ZNF385D: variants seen among roughly 807,000 people sequenced by gnomAD.
ZNF385D encodes zinc finger protein 659.
ZNF385D carries 15 observed loss-of-function variants against 35.8 expected under a neutral mutation model. That is an observed-to-expected ratio of 0.42 (90% CI 0.28 to 0.64). The LOEUF is 0.64. Ranked by LOEUF, ZNF385D falls within the 30% of genes least tolerant of loss-of-function variation. ZNF385D has a pLI of 0.23. For synonymous variants in ZNF385D, 212 were observed against 186.8 expected (o/e 1.13, Z -1.10); for missense variants, 474 against 494.6 (o/e 0.96, Z 0.39).
intron 2 of ZNF385D, among the ~76,000 whole-genome samples, chr3:22,312,479 G>A (rs1703617437): frequency 6.6e-6 from 1 of 151,874 alleles, no homozygotes; most frequent in African/African-American, 2.4e-5. Context: ...TACAGAATGG[G>A]AGAAAATTTT....
chr3:22,063,466 A>T (rs1699787660), intron 3 of ZNF385D, among the ~76,000 whole-genome samples: 1 of 152,222 alleles, frequency 6.6e-6, no homozygotes, highest in Non-Finnish European at 1.5e-5. Flanking sequence ...TAGAATATTC[A>T]ATAGATTTTT....
At chr3:21,718,255 C>A (rs2068402296) in intron 1 of ZNF385D, among the ~76,000 whole-genome samples, 1 of 152,226 alleles carries the variant, frequency 6.6e-6, no homozygotes, top group Admixed American at 6.5e-5. Flanking sequence ...CCTGATCAAT[C>A]CTTCCATGGT....
intron 2 of ZNF385D, among the ~76,000 whole-genome samples, chr3:22,284,870 A>G (rs1453949702): frequency 1.3e-5 from 2 of 152,170 alleles, no homozygotes; most frequent in Admixed American, 6.6e-5. Flanking sequence ...ATTTTGACAG[A>G]CCCAAATCAT....
chr3:21,511,169 G>T, intron 3 of ZNF385D, 146 bp from the exon 4 acceptor site: 1 of 929,510 alleles, frequency 1.1e-6, no homozygotes, highest in Non-Finnish European at 1.6e-6. Flanking sequence ...GTTCTATTTA[G>T]AATGATGCTA....
At chr3:21,952,589 A>G (rs1476533062) in intron 3 of ZNF385D, among the ~76,000 whole-genome samples, 1 of 151,996 alleles carries the variant, frequency 6.6e-6, no homozygotes, top group Non-Finnish European at 1.5e-5. Flanking sequence ...CCTTTAAAAT[A>G]TAGATAATAA....
chr3:21,587,867 T>C (rs987142602), intron 2 of ZNF385D, among the ~76,000 whole-genome samples: 1 of 151,992 alleles, frequency 6.6e-6, no homozygotes, highest in Non-Finnish European at 1.5e-5. Flanking sequence ...ATGGGATACA[T>C]ATCTAAAGGG....
intron 3 of ZNF385D, among the ~76,000 whole-genome samples, chr3:22,010,383 T>C (rs1365823506): frequency 6.6e-6 from 1 of 152,196 alleles, no homozygotes; most frequent in East Asian, 1.9e-4. Context: ...CATTTCTGCC[T>C]TATCAAGAAA....
intron 3 of ZNF385D, among the ~76,000 whole-genome samples, chr3:22,122,494 T>A (rs528679580): frequency 6.6e-6 from 1 of 152,232 alleles, no homozygotes; most frequent in African/African-American, 2.4e-5. Context: ...ACTAAAAATA[T>A]TGAGCACTAA....
At chr3:21,548,754 A>G (rs2062466523) in intron 3 of ZNF385D, among the ~76,000 whole-genome samples, 1 of 152,234 alleles carries the variant, frequency 6.6e-6, no homozygotes, top group African/African-American at 2.4e-5. Flanking sequence ...GCTGATGTCA[A>G]GGCAAGTCTC....
At chr3:22,164,811 T>G (rs936944164) in intron 3 of ZNF385D, among the ~76,000 whole-genome samples, 1 of 152,092 alleles carries the variant, frequency 6.6e-6, no homozygotes, top group Admixed American at 6.6e-5. Flanking sequence ...TAATTTTTAT[T>G]TAAAAGCAGG....
chr3:21,846,605 A>C (rs1471532157), intron 3 of ZNF385D, among the ~76,000 whole-genome samples: 1 of 152,000 alleles, frequency 6.6e-6, no homozygotes, highest in Non-Finnish European at 1.5e-5. Context: ...TGCTGAAAAG[A>C]AGGAAGCAGC....
intron 3 of ZNF385D, among the ~76,000 whole-genome samples, chr3:21,880,084 G>C (rs1428442874): frequency 6.6e-6 from 1 of 151,846 alleles, no homozygotes; most frequent in Non-Finnish European, 1.5e-5. Flanking sequence ...GCCAAATGAA[G>C]TATTTCAAAT....
At chr3:21,741,930 G>C (rs2069534659) in intron 1 of ZNF385D, among the ~76,000 whole-genome samples, 1 of 152,020 alleles carries the variant, frequency 6.6e-6, no homozygotes, top group African/African-American at 2.4e-5. Context: ...TGGCCTCTAA[G>C]GTATATTGAA....
At chr3:22,280,312 T>C (rs1207468265) in intron 2 of ZNF385D, among the ~76,000 whole-genome samples, 1 of 152,028 alleles carries the variant, frequency 6.6e-6, no homozygotes, top group Non-Finnish European at 1.5e-5. Flanking sequence ...TTTTGTTGCC[T>C]TTGCTTTTGG....
At chr3:22,273,569 G>A (rs1305719483) in intron 2 of ZNF385D, among the ~76,000 whole-genome samples, 4 of 151,858 alleles carry the variant, frequency 2.6e-5, no homozygotes, top group African/African-American at 7.3e-5. Flanking sequence ...TACTGAAGTT[G>A]AGAACTCCTG....
At chr3:21,441,045 G>C (rs1380815653) in intron 4 of ZNF385D, among the ~76,000 whole-genome samples, 1 of 152,040 alleles carries the variant, frequency 6.6e-6, no homozygotes, top group East Asian at 1.9e-4. Context: ...GCTAAGTTCT[G>C]TCCCAAGCCA....
intron 3 of ZNF385D, among the ~76,000 whole-genome samples, chr3:21,975,948 G>A (rs1475492573): frequency 6.6e-6 from 1 of 152,018 alleles, no homozygotes; most frequent in African/African-American, 2.4e-5. Context: ...ATACTTGAAG[G>A]GTAATATGAA....
intron 3 of ZNF385D, among the ~76,000 whole-genome samples, chr3:21,986,724 G>A (rs1156642612): frequency 7.9e-6 from 1 of 126,876 alleles, no homozygotes; most frequent in African/African-American, 4.0e-5. Context: ...GGGTATCCTT[G>A]TTGACTTTCT....
At chr3:22,011,668 A>G (rs1368318053) in intron 3 of ZNF385D, among the ~76,000 whole-genome samples, 1 of 152,124 alleles carries the variant, frequency 6.6e-6, no homozygotes, top group African/African-American at 2.4e-5. Context: ...ATATCTAATG[A>G]TATAATAAAA....
Sources: gnomAD v4.1 joint callset for allele counts (sites outside exome capture counted in the v4.1 genomes callset) on GRCh38, gnomAD v4.1.1 for gene constraint, MANE v1.5 for transcripts, NCBI Gene and HGNC (gene_info 2026-07-23, HGNC 2026-07-21) for gene names.